Variants in SLC7A6 observed in about 807,000 individuals in gnomAD.
The protein encoded by SLC7A6 is Y+L amino acid transporter 2.
SLC7A6 carries 29 observed loss-of-function variants against 46.6 expected under a neutral mutation model. The observed-to-expected ratio is 0.62, with a 90% CI of 0.46 to 0.85. SLC7A6 has a LOEUF of 0.85. SLC7A6 is among the 40% of genes least tolerant of loss of function. The pLI is 0.00. For missense variants in SLC7A6, 527 were observed against 647.6 expected, an observed-to-expected ratio of 0.81 and a Z score of 2.02; for synonymous variants, 276 against 257.3, an observed-to-expected ratio of 1.07 and a Z score of -0.70.
chr16:68,287,933 C>A (rs9936444), intron 4 of SLC7A6, 62 bp downstream of exon 4: 63 of 1,587,390 alleles, frequency 4.0e-5, no homozygotes, highest in Admixed American at 5.1e-5. Flanking sequence ...GAGAACATGG[C>A]GACTCTGTTA....
intron 3 of SLC7A6, among the ~76,000 whole-genome samples, chr16:68,277,334 T>TTATTTATG (rs1376947698): frequency 6.7e-6 from 1 of 149,190 alleles, no homozygotes; most frequent in Non-Finnish European, 1.5e-5. Context: ...ATTTATTTAT[T>TTATTTATG]TATTTATTTA....
At chr16:68,284,670 T>G in intron 3 of SLC7A6, 5 of 984,648 alleles carry the variant, frequency 5.1e-6, no homozygotes, top group Non-Finnish European at 3.6e-6. Context: ...GTCTGAGGAG[T>G]GTATCAGCTT....
At chr16:68,282,858 T>C (rs1040630759) in intron 3 of SLC7A6, among the ~76,000 whole-genome samples, 1 of 152,208 alleles carries the variant, frequency 6.6e-6, no homozygotes, top group Non-Finnish European at 1.5e-5. Context: ...GACCTTGTGA[T>C]TTGCCCGCCT....
intron 1 of SLC7A6, among the ~76,000 whole-genome samples, chr16:68,265,229 T>A (rs2042508977): frequency 3.3e-5 from 5 of 152,248 alleles, no homozygotes; most frequent in African/African-American, 1.2e-4. Context: ...GGAACCCGCG[T>A]GCCCCTGGTG....
At position 68,275,079 on chromosome 16, in the gene SLC7A6, C is replaced by A. The variant is rs781511991; in HGVS notation, c.353C>A (p.Ala118Asp). 6 of 1,614,022 alleles carry A rather than the reference C, an allele frequency of 3.7e-6. No homozygotes were observed. The highest frequency in any genetic ancestry group is 3.3e-5 in the South Asian group (3 of 91,082). Residue 118 changes from alanine (A) to aspartate (D), a missense_variant, in exon 3 of 11, where the codon GCC becomes GAC. Coordinates refer to ENST00000219343, the MANE Select transcript of SLC7A6 (RefSeq NM_003983.6). ...GCCAGCTACGCTTATATTCTAGAGG[C>A]CTTTGGGGGCTTCATTGCCTTCATC... ...SGASYAYILEAFGGFIAFIRL... is the reference protein window; with the variant it reads ...SGASYAYILEDFGGFIAFIRL...
intron 3 of SLC7A6, among the ~76,000 whole-genome samples, chr16:68,281,839 G>A (rs1206700525): frequency 6.6e-6 from 1 of 152,176 alleles, no homozygotes; most frequent in Non-Finnish European, 1.5e-5. Flanking sequence ...CACATCAATG[G>A]AAAGTATTTG....
intron 4 of SLC7A6, among the ~76,000 whole-genome samples, chr16:68,288,598 G>A (rs2042984272): frequency 6.6e-6 from 1 of 152,070 alleles, no homozygotes; most frequent in South Asian, 2.1e-4. Context: ...AGTCACCCGG[G>A]GAGCTGAGAC....
intron 7 of SLC7A6, chr16:68,291,962 G>T (rs2043064328): frequency 6.2e-6 from 2 of 320,192 alleles, no homozygotes; most frequent in East Asian, 1.3e-4. Context: ...TGTGCTGGTA[G>T]CTCATGTTTA....
intron 3 of SLC7A6, among the ~76,000 whole-genome samples, chr16:68,287,046 C>T (rs539896663): frequency 7.4e-5 from 11 of 149,436 alleles, no homozygotes; most frequent in South Asian, 2.1e-4. Context: ...CTGGAGTGCA[C>T]GGCTCACTGC....
Position 68,291,272 on chromosome 16 carries a change from T to C in SLC7A6, c.858T>C (p.Asn286=), listed in dbSNP as rs1202702886. The C allele has an allele frequency of 1.2e-6, 2 of 1,614,242 alleles. No homozygotes were observed. Among genetic ancestry groups the C allele is most frequent in the South Asian group, 1.1e-5 (1 of 91,082 alleles). ...PIVTLIYILT[N]VAYYTVLNIS... ...TGACGCTCATCTACATCCTGACCAA[T>C]GTGGCCTATTACACAGTGCTGAACA... The change falls in exon 6 of 11, where the codon AAT becomes AAC. Residue 286 remains asparagine (N), a synonymous_variant. Transcript: ENST00000219343.
At chr16:68,273,685 G>A (rs1456914535) in intron 2 of SLC7A6, 1 of 152,012 alleles carries the variant, frequency 6.6e-6, no homozygotes. Context: ...TCTCTTTCGG[G>A]TACTTTGGAA....
Position 68,300,771 on chromosome 16 carries a change from GACT to G in SLC7A6, c.*3447_*3449del, listed in dbSNP as rs2043256139. 64 of 985,392 alleles carry G rather than the reference GACT, an allele frequency of 6.5e-5. No individual in the cohort carries two copies. Among genetic ancestry groups the G allele is most frequent in the Non-Finnish European group, 7.5e-5 (62 of 830,016 alleles). The allele number at this position is 985,392 out of a possible 1,614,324, so 61.0% of individuals were successfully genotyped here. A position where few individuals can be genotyped will look rare whatever the true frequency, so the allele number is the denominator to read the frequency against. ...GTTAACTAAAATCTCCCACTGCTCA[GACT>G]ACTTTCTGCCCTAATGGCCATTACT... On this transcript the variant is annotated 3_prime_UTR_variant, in exon 11 of 11. Transcript: ENST00000219343.
rs1019400306 is a variant in SLC7A6, at chr16:68,300,887, T to G, written c.*3559T>G. The G allele has an allele frequency of 2.0e-6, 2 of 991,106 alleles. No homozygotes were observed. Among genetic ancestry groups the G allele is most frequent in the African/African-American group, 3.5e-5 (2 of 57,366 alleles). The allele number at this position is 991,106 out of a possible 1,614,324, so 61.4% of individuals were successfully genotyped here. Reference sequence around the variant, plus strand: ...AGGGTTTTCCTAGAGGCAGGCAGCCTGGTGGTATGGCACAGCAGAAGCTTA... The same window carrying G: ...AGGGTTTTCCTAGAGGCAGGCAGCCGGGTGGTATGGCACAGCAGAAGCTTA... On this transcript the variant is annotated 3_prime_UTR_variant, in exon 11 of 11. Coordinates refer to ENST00000219343, the MANE Select transcript of SLC7A6 (RefSeq NM_003983.6).
At chr16:68,288,162 G>A (rs1179705684) in intron 4 of SLC7A6, among the ~76,000 whole-genome samples, 2 of 152,116 alleles carry the variant, frequency 1.3e-5, no homozygotes, top group East Asian at 3.9e-4. Context: ...GTCATGATTG[G>A]GTCATAAAAG....
At chr16:68,296,300 G>A in intron 8 of SLC7A6, 64 bp from the exon 9 acceptor site, 20 of 1,591,248 alleles carry the variant, frequency 1.3e-5, no homozygotes, top group Non-Finnish European at 1.7e-5. Context: ...CTGCTGGGTG[G>A]GGGAGTCTCC....
chr16:68,294,390 G>A (rs1597008474), intron 7 of SLC7A6, among the ~76,000 whole-genome samples: 1 of 152,150 alleles, frequency 6.6e-6, no homozygotes, highest in East Asian at 1.9e-4. Flanking sequence ...TCTGTTAGTG[G>A]GTGACAGCAG....
In SLC7A6 at chr16:68,267,136, T is replaced by C. The variant is rs2042546895; in HGVS notation, c.-37+415T>C. On this transcript the variant is annotated intron_variant, in intron 2 of 10. Transcript: ENST00000219343. The stretch of plus-strand genomic sequence containing the variant: ...TTTTAGTAGAGACGGGGCTTTACCA[T>C]GTTGGCCAGGCTGGTCACGAACTCC... Among the ~76,000 whole-genome samples the C allele has an allele frequency of 4.0e-5, 6 of 151,514 alleles. No individual in the cohort carries two copies. In the South Asian group the frequency reaches 1.2e-3, roughly 31 times the overall value.
chr16:68,301,559 TA>T lies in SLC7A6; in HGVS notation c.*4234del. On this transcript the variant is annotated 3_prime_UTR_variant, in exon 11 of 11. Transcript: ENST00000219343. ...AAAGAATATAGAATTCTTTTTTTTT[TA>T]AAGAAGGAATCACTTTCCTATCATC... is the stretch of plus-strand genomic sequence containing the variant. 1.7e-6 allele frequency: 1 copy of T among 575,464 alleles called. No individual in the cohort carries two copies. The highest frequency in any genetic ancestry group is 2.8e-6 in the Non-Finnish European group (1 of 356,832). The allele number at this position is 575,464 out of a possible 1,614,324, so 35.6% of individuals were successfully genotyped here.
At position 68,274,804 on chromosome 16, in the gene SLC7A6, A is replaced by T. The variant is rs62636644; in HGVS notation, c.78A>T (p.Glu26Asp). The T allele has an allele frequency of 3.1e-3, 4,961 of 1,614,138 alleles. 100 individuals carry two copies. The Admixed American group carries it at 0.045, about 15-fold the overall frequency. Reference protein sequence around the residue: ...VPNTSQSQVEEDVSSPPQRSS... With the variant: ...VPNTSQSQVEDDVSSPPQRSS... Reference sequence around the variant, plus strand: ...ACACCAGCCAGTCCCAGGTGGAAGAAGATGTCAGCTCGCCACCTCAAAGGT... The same window carrying T: ...ACACCAGCCAGTCCCAGGTGGAAGATGATGTCAGCTCGCCACCTCAAAGGT... Residue 26 changes from glutamate (E) to aspartate (D), a missense_variant, in exon 3 of 11, where the codon GAA (glutamate) becomes GAT (aspartate). Glu to Asp is a conservative substitution (Grantham distance 45). Coordinates refer to ENST00000219343, the MANE Select transcript of SLC7A6 (RefSeq NM_003983.6).
Sources: allele counts gnomAD v4.1 joint callset (sites outside exome capture counted in the v4.1 genomes callset), GRCh38; gene constraint gnomAD v4.1.1; transcripts MANE v1.5; gene names NCBI Gene and HGNC (gene_info 2026-07-23, HGNC 2026-07-21).